The following SIMC1 variants were observed in gnomAD, a reference collection of about 807,000 sequenced individuals.
SIMC1 encodes SUMO interacting motifs containing 1.
A neutral mutation model predicts 82.3 loss-of-function variants in SIMC1; 55 were observed. The observed-to-expected ratio is 0.67, with a 90% CI of 0.54 to 0.84. The LOEUF is 0.84. Among genes scored for constraint, SIMC1 ranks in the 40% least tolerant of loss-of-function variants. SIMC1 has a pLI of 0.00. For missense variants in SIMC1, 915 were observed against 1,107.2 expected (o/e 0.83, Z 2.46); for synonymous variants, 353 against 426.3 (o/e 0.83, Z 2.12).
chr5:176,301,595 T>C (rs1764042578), intron 4 of SIMC1, among the ~76,000 whole-genome samples: 1 of 152,016 alleles, frequency 6.6e-6, no homozygotes, highest in African/African-American at 2.4e-5. Flanking sequence ...ATGACCAACA[T>C]GATGAAACCC....
chr5:176,327,161 A>C lies in SIMC1; in HGVS notation c.2171+2404A>C, dbSNP rs145906093. ...ATGGGAAAGCTAAGGAATAGGTAAC[A>C]AAAAAAAATTAGGAATTAAAACAGA... On this transcript the variant is annotated intron_variant, in intron 7 of 9. Coordinates refer to ENST00000429602, the MANE Select transcript of SIMC1 (RefSeq NM_001308195.2). 7.5e-3 allele frequency among the ~76,000 whole-genome samples: 1,126 copies of C among 150,734 alleles called. 16 individuals carry two copies. Among genetic ancestry groups the C allele is most frequent in the African/African-American group, 0.026 (1,048 of 40,404 alleles).
chr5:176,330,180 C>T (rs963857607), intron 7 of SIMC1, among the ~76,000 whole-genome samples: 1 of 152,100 alleles, frequency 6.6e-6, no homozygotes, highest in Admixed American at 6.6e-5. Flanking sequence ...GTGGGCAGGT[C>T]ACTTGAGGTC....
At chr5:176,299,985 C>T (rs1347096127) in intron 4 of SIMC1, among the ~76,000 whole-genome samples, 1 of 152,062 alleles carries the variant, frequency 6.6e-6, no homozygotes, top group African/African-American at 2.4e-5. Context: ...ATCTGGAAAA[C>T]CCACAAATAT....
intron 9 of SIMC1, among the ~76,000 whole-genome samples, chr5:176,344,297 C>T (rs1434152887): frequency 6.6e-6 from 1 of 152,038 alleles, no homozygotes; most frequent in East Asian, 1.9e-4. Flanking sequence ...GAGTCCAGGC[C>T]AGTTATTTTG....
chr5:176,284,612 G>T lies in SIMC1; in HGVS notation c.130-5042G>T, dbSNP rs1763181434. ...TGACACCCTAACATCACAATTAAAA[G>T]AACTACAGAAGCAAGAGCAACCACA... On this transcript the variant is annotated intron_variant, in intron 1 of 9. Transcript: ENST00000429602. 2.6e-5 allele frequency among the ~76,000 whole-genome samples: 4 copies of T among 152,202 alleles called. No homozygotes were observed. In the South Asian group the frequency reaches 8.3e-4, roughly 31 times the overall value.
chr5:176,321,704 G>A (rs1277595475), intron 5 of SIMC1, among the ~76,000 whole-genome samples: 4 of 152,040 alleles, frequency 2.6e-5, no homozygotes, highest in Admixed American at 1.3e-4. Context: ...CTAAACCTTA[G>A]TTGTTAACAT....
intron 1 of SIMC1, among the ~76,000 whole-genome samples, chr5:176,245,453 A>C (rs1325361796): frequency 6.6e-6 from 1 of 152,194 alleles, no homozygotes; most frequent in Non-Finnish European, 1.5e-5. Context: ...TGAGGGGATA[A>C]ATTTCTGTTG....
chr5:176,287,036 G>A (rs567295872), intron 1 of SIMC1, among the ~76,000 whole-genome samples: 1 of 152,356 alleles, frequency 6.6e-6, no homozygotes, highest in South Asian at 2.1e-4. Context: ...TGGTGGGACT[G>A]TAAACTAGTT....
chr5:176,287,242 A>C (rs555428900), intron 1 of SIMC1, among the ~76,000 whole-genome samples: 1 of 152,250 alleles, frequency 6.6e-6, no homozygotes, highest in Non-Finnish European at 1.5e-5. Context: ...ATATCCATCA[A>C]TGATACACTG....
intron 1 of SIMC1, among the ~76,000 whole-genome samples, chr5:176,264,424 C>T (rs1007618026): frequency 6.6e-6 from 1 of 152,248 alleles, no homozygotes; most frequent in Non-Finnish European, 1.5e-5. Context: ...CCAGAATGTG[C>T]TCTTGCATTC....
intron 9 of SIMC1, among the ~76,000 whole-genome samples, chr5:176,344,935 C>T (rs1415159597): frequency 6.6e-6 from 1 of 152,042 alleles, no homozygotes; most frequent in East Asian, 1.9e-4. Context: ...GTTATGTGAT[C>T]ATAAAAAATG....
rs116972046 is a variant in SIMC1, at chr5:176,293,518, T to G, written c.1432-1512T>G. 7.2e-5 allele frequency among the ~76,000 whole-genome samples: 11 copies of G among 151,984 alleles called. No individual in the cohort carries two copies. The East Asian group carries it at 2.1e-3, about 29-fold the overall frequency. On this transcript the variant is annotated intron_variant, in intron 2 of 9. Coordinates refer to ENST00000429602, the MANE Select transcript of SIMC1 (RefSeq NM_001308195.2). ...AGCACTTTGGGAAGCCAAGACAGTC[T>G]TGATCACTTGAGTTCACAAGTTCGA...
chr5:176,325,836 T>C (rs1343762739), intron 7 of SIMC1, among the ~76,000 whole-genome samples: 1 of 152,136 alleles, frequency 6.6e-6, no homozygotes, highest in Non-Finnish European at 1.5e-5. Flanking sequence ...GAAATAGATA[T>C]ATCCAATATT....
At chr5:176,326,555 T>C (rs1765402084) in intron 7 of SIMC1, among the ~76,000 whole-genome samples, 1 of 148,468 alleles carries the variant, frequency 6.7e-6, no homozygotes. Flanking sequence ...CTTATAATGT[T>C]ATCCCTATTT....
chr5:176,310,608 A>G (rs1035017841), intron 4 of SIMC1, among the ~76,000 whole-genome samples: 6 of 152,244 alleles, frequency 3.9e-5, no homozygotes, highest in African/African-American at 1.4e-4. Flanking sequence ...AATTATTGAA[A>G]TGAAGAACAG....
intron 4 of SIMC1, among the ~76,000 whole-genome samples, chr5:176,309,998 A>T (rs966199237): frequency 3.3e-5 from 5 of 152,192 alleles, no homozygotes; most frequent in Non-Finnish European, 7.3e-5. Context: ...TGGGCAAAAG[A>T]CGTGAATAGA....
intron 1 of SIMC1, among the ~76,000 whole-genome samples, chr5:176,269,903 G>A (rs1762352118): frequency 6.6e-6 from 1 of 151,832 alleles, no homozygotes; most frequent in African/African-American, 2.4e-5. Context: ...ACACCACCAC[G>A]CCCAGCAAGT....
At chr5:176,285,471 A>G (rs1186773865) in intron 1 of SIMC1, among the ~76,000 whole-genome samples, 2 of 152,380 alleles carry the variant, frequency 1.3e-5, no homozygotes, top group African/African-American at 2.4e-5. Flanking sequence ...TAAATTAGTT[A>G]TTGATGGGAC....
At chr5:176,321,814 T>G (rs996132773) in intron 5 of SIMC1, among the ~76,000 whole-genome samples, 1 of 151,840 alleles carries the variant, frequency 6.6e-6, no homozygotes, top group Non-Finnish European at 1.5e-5. Context: ...AAGGCACAGA[T>G]AGTACTATTT....
Sources: gnomAD v4.1 joint callset for allele counts (sites outside exome capture counted in the v4.1 genomes callset) on GRCh38, gnomAD v4.1.1 for gene constraint, MANE v1.5 for transcripts, NCBI Gene and HGNC (gene_info 2026-07-23, HGNC 2026-07-21) for gene names.